The following SLC9A8 variants were observed in gnomAD, a reference collection of about 807,000 sequenced individuals.
The protein encoded by SLC9A8 is solute carrier family 9 member A8.
SLC9A8 carries 48 observed loss-of-function variants against 66.6 expected under a neutral mutation model. The ratio of observed to expected loss-of-function variants is 0.72; its 90% CI spans 0.57 to 0.92. The LOEUF is 0.92. Ranked by LOEUF, SLC9A8 falls within the 40% of genes least tolerant of loss-of-function variation. The pLI is 0.00. For missense variants in SLC9A8, 599 were observed against 747.3 expected (o/e 0.80, Z 2.31); for synonymous variants, 274 against 282.6 (o/e 0.97, Z 0.31).
At chr20:49,844,510 A>G (rs938260291) in intron 4 of SLC9A8, among the ~76,000 whole-genome samples, 2 of 151,438 alleles carry the variant, frequency 1.3e-5, no homozygotes, top group Non-Finnish European at 2.9e-5. Flanking sequence ...TTGGCCACGC[A>G]TGGTGGCTCA....
At chr20:49,830,364 G>A in intron 3 of SLC9A8, 2 of 863,630 alleles carry the variant, frequency 2.3e-6, no homozygotes, top group Non-Finnish European at 2.0e-6. Flanking sequence ...GGCCCGCCTG[G>A]GAAGAACCCC....
chr20:49,834,001 C>T (rs555507624), intron 3 of SLC9A8, among the ~76,000 whole-genome samples: 1 of 151,746 alleles, frequency 6.6e-6, no homozygotes, highest in African/African-American at 2.4e-5. Flanking sequence ...GTAATCCCAG[C>T]ACTTTGGGAG....
Position 49,890,767 on chromosome 20 carries a change from GGC to G in SLC9A8, c.*2832_*2833del, listed in dbSNP as rs1307248963. 1 of 152,242 alleles carries G rather than the reference GGC, an allele frequency of 6.6e-6. No individual in the cohort carries two copies. Among genetic ancestry groups the G allele is most frequent in the Non-Finnish European group, 1.5e-5 (1 of 68,082 alleles). The allele number at this position is 152,242 out of a possible 1,614,324, so 9.4% of individuals were successfully genotyped here. On this transcript the variant is annotated 3_prime_UTR_variant, in exon 16 of 16. Coordinates refer to ENST00000361573, the MANE Select transcript of SLC9A8 (RefSeq NM_015266.3). ...CTGGAGGTCAGACACACTGTCCAGAGGCAGAACTGAAGCCCTCTCGGCCCCTA... is the reference window on the plus strand; with the variant it reads ...CTGGAGGTCAGACACACTGTCCAGAGAGAACTGAAGCCCTCTCGGCCCCTA...
intron 4 of SLC9A8, among the ~76,000 whole-genome samples, chr20:49,843,198 G>C (rs2087837131): frequency 6.6e-6 from 1 of 151,758 alleles, no homozygotes; most frequent in South Asian, 2.1e-4. Flanking sequence ...TCCTGGGGTG[G>C]GGGGGGCTAG....
In SLC9A8 at chr20:49,840,221, T is replaced by C. The variant is rs188708797; in HGVS notation, c.348+622T>C. Among the ~76,000 whole-genome samples the C allele has an allele frequency of 4.0e-3, 605 of 152,304 alleles. 8 individuals are homozygous for C. Among genetic ancestry groups the C allele is most frequent in the African/African-American group, 0.014 (578 of 41,564 alleles). On this transcript the variant is annotated intron_variant, in intron 4 of 15. Coordinates refer to ENST00000361573, the MANE Select transcript of SLC9A8 (RefSeq NM_015266.3). Reference sequence around the variant, plus strand: ...CCACCATACCACCCCGTCCTCAGTTTGCTGATATATATACCCTTGTGTTAA... The same window carrying C: ...CCACCATACCACCCCGTCCTCAGTTCGCTGATATATATACCCTTGTGTTAA...
intron 11 of SLC9A8, among the ~76,000 whole-genome samples, chr20:49,876,476 C>A (rs886638393): frequency 5.3e-5 from 8 of 152,178 alleles, no homozygotes; most frequent in Admixed American, 4.6e-4. Flanking sequence ...GCCCAACAGT[C>A]CAACCCTGTG....
At chr20:49,840,334 G>A (rs2087709869) in intron 4 of SLC9A8, among the ~76,000 whole-genome samples, 1 of 152,188 alleles carries the variant, frequency 6.6e-6, no homozygotes, top group Non-Finnish European at 1.5e-5. Context: ...TCCATGTTGA[G>A]TAGGGCGAGA....
At chr20:49,878,967 A>G (rs984678152) in intron 12 of SLC9A8, among the ~76,000 whole-genome samples, 1 of 152,080 alleles carries the variant, frequency 6.6e-6, no homozygotes, top group Non-Finnish European at 1.5e-5. Flanking sequence ...CAGTGCAGTG[A>G]GCTGAGATCA....
intron 3 of SLC9A8, chr20:49,830,913 C>A: frequency 1.1e-6 from 1 of 931,628 alleles, no homozygotes. Flanking sequence ...AAACTTTAAG[C>A]CTGATTTCTA....
chr20:49,817,539 TC>T (rs2086598353), intron 2 of SLC9A8, among the ~76,000 whole-genome samples: 1 of 151,924 alleles, frequency 6.6e-6, no homozygotes, highest in Non-Finnish European at 1.5e-5. Flanking sequence ...TTATATTCTG[TC>T]TCTGGTGAGT....
chr20:49,814,386 G>T (rs2086470353), intron 1 of SLC9A8, among the ~76,000 whole-genome samples: 1 of 152,180 alleles, frequency 6.6e-6, no homozygotes. Context: ...AATAACTTTT[G>T]TAGTCACAGT....
At chr20:49,816,844 T>C (rs2086566895) in intron 2 of SLC9A8, among the ~76,000 whole-genome samples, 1 of 151,944 alleles carries the variant, frequency 6.6e-6, no homozygotes, top group Non-Finnish European at 1.5e-5. Flanking sequence ...TTCTCCTGCC[T>C]CAGCCTCCCA....
intron 10 of SLC9A8, among the ~76,000 whole-genome samples, chr20:49,873,822 T>G (rs1210999265): frequency 6.7e-6 from 1 of 149,112 alleles, no homozygotes; most frequent in Non-Finnish European, 1.5e-5. Context: ...CATACACAGA[T>G]TCTTAGGCTC....
At chr20:49,827,145 T>G (rs2086943136) in intron 3 of SLC9A8, among the ~76,000 whole-genome samples, 1 of 151,706 alleles carries the variant, frequency 6.6e-6, no homozygotes, top group Non-Finnish European at 1.5e-5. Context: ...TTTCACCATG[T>G]CGGCCAGGCT....
chr20:49,860,750 G>T (rs543014356), intron 8 of SLC9A8, among the ~76,000 whole-genome samples: 1 of 152,020 alleles, frequency 6.6e-6, no homozygotes, highest in Non-Finnish European at 1.5e-5. Context: ...AAATGATATC[G>T]ATTCATGACA....
intron 3 of SLC9A8, chr20:49,829,377 TAGCC>T (rs1241388428): frequency 6.3e-6 from 1 of 159,218 alleles, no homozygotes; most frequent in Non-Finnish European, 1.4e-5. Context: ...AAAAAAAAAT[TAGCC>T]AGGCGTGGTG....
chr20:49,872,145 C>G (rs866627098), intron 10 of SLC9A8, among the ~76,000 whole-genome samples: 2 of 152,172 alleles, frequency 1.3e-5, no homozygotes, highest in Non-Finnish European at 2.9e-5. Flanking sequence ...CAAAAACACT[C>G]TTGAGCTTCA....
chr20:49,862,871 T>C (rs1457613863), intron 8 of SLC9A8, 58 bp from the exon 9 acceptor site: 2 of 1,358,824 alleles, frequency 1.5e-6, no homozygotes, highest in East Asian at 4.8e-5. Flanking sequence ...TAAGTTAATT[T>C]CTAAGAACTT....
At chr20:49,869,234 T>C (rs569261139) in intron 10 of SLC9A8, among the ~76,000 whole-genome samples, 11 of 152,106 alleles carry the variant, frequency 7.2e-5, no homozygotes, top group Non-Finnish European at 1.6e-4. Context: ...CTTTCTTTCT[T>C]TTTGAGGCAG....
Sources: gnomAD v4.1 joint callset for allele counts (sites outside exome capture counted in the v4.1 genomes callset) on GRCh38, gnomAD v4.1.1 for gene constraint, MANE v1.5 for transcripts, NCBI Gene and HGNC (gene_info 2026-07-23, HGNC 2026-07-21) for gene names.